DPF3: variants seen among roughly 807,000 people sequenced by gnomAD.
DPF3 encodes the protein zinc finger protein DPF3.
Under a neutral mutation model 56.8 loss-of-function variants are expected in DPF3, and 18 were observed. That is an observed-to-expected ratio of 0.32 (90% confidence interval 0.22 to 0.47). DPF3 has a LOEUF of 0.47. DPF3 is among the 20% of genes least tolerant of loss of function. The probability of loss-of-function intolerance (pLI) is 1.00; values close to 1 mark genes in which losing one functional copy is unlikely to be tolerated. For synonymous variants in DPF3, 188 were observed against 180.2 expected, an observed-to-expected ratio of 1.04 and a Z score of -0.35; for missense variants, 403 against 488.8, an observed-to-expected ratio of 0.82 and a Z score of 1.65.
chr14:72,768,209 A>G (rs768313491), intron 2 of DPF3, among the ~76,000 whole-genome samples: 5 of 152,222 alleles, frequency 3.3e-5, no homozygotes, highest in Admixed American at 6.5e-5. Flanking sequence ...TCAGTAAGTA[A>G]GAAAAACAAC....
At chr14:72,857,811 T>C (rs895784526) in intron 1 of DPF3, among the ~76,000 whole-genome samples, 6 of 152,038 alleles carry the variant, frequency 3.9e-5, no homozygotes, top group Non-Finnish European at 5.9e-5. Context: ...ATGGTCTCAA[T>C]CTCTTGACCC....
At chr14:72,745,335 A>G (rs1890283599) in intron 3 of DPF3, among the ~76,000 whole-genome samples, 1 of 151,864 alleles carries the variant, frequency 6.6e-6, no homozygotes. Context: ...TTTTTTACTC[A>G]TTCTTTTAAA....
At chr14:72,670,184 G>A in intron 8 of DPF3, 1 of 985,982 alleles carries the variant, frequency 1.0e-6, no homozygotes, top group Non-Finnish European at 1.2e-6. Context: ...AAGGGGAGGG[G>A]AAACACACGA....
At chr14:72,851,020 G>A (rs1884963805) in intron 1 of DPF3, among the ~76,000 whole-genome samples, 1 of 152,178 alleles carries the variant, frequency 6.6e-6, no homozygotes, top group African/African-American at 2.4e-5. Flanking sequence ...AAGATTCAGG[G>A]TTGCCAGATC....
intron 8 of DPF3, among the ~76,000 whole-genome samples, chr14:72,644,681 C>T (rs1885663373): frequency 6.6e-6 from 1 of 152,194 alleles, no homozygotes; most frequent in African/African-American, 2.4e-5. Flanking sequence ...TTTCCTGGTA[C>T]TTTGTAAGGG....
intron 8 of DPF3, among the ~76,000 whole-genome samples, chr14:72,672,945 G>A (rs755266621): frequency 3.9e-5 from 6 of 151,900 alleles, no homozygotes; most frequent in African/African-American, 9.7e-5. Context: ...AACAGAGTCC[G>A]CTATCACAAG....
intron 2 of DPF3, among the ~76,000 whole-genome samples, chr14:72,760,570 T>C (rs528404716): frequency 6.6e-6 from 1 of 152,342 alleles, no homozygotes; most frequent in East Asian, 1.9e-4. Flanking sequence ...CCTTATTCTA[T>C]TAATCACAGT....
chr14:72,746,424 T>C lies in DPF3; in HGVS notation c.301+6840A>G, dbSNP rs1033287543. ...CAGGTGCAGCCCCGGCTGTTCAGACTCAGAAGAGGATTGGGAAATGACAAG... is the reference window on the plus strand; with the variant it reads ...CAGGTGCAGCCCCGGCTGTTCAGACCCAGAAGAGGATTGGGAAATGACAAG... On this transcript the variant is annotated intron_variant, in intron 3 of 10. Transcript: ENST00000556509. 2.6e-5 allele frequency among the ~76,000 whole-genome samples: 4 copies of C among 151,964 alleles called. No individual in the cohort carries two copies. In the East Asian group the frequency reaches 5.8e-4, roughly 22 times the overall value.
At chr14:72,846,157 C>A (rs1884745625) in intron 1 of DPF3, among the ~76,000 whole-genome samples, 1 of 148,300 alleles carries the variant, frequency 6.7e-6, no homozygotes. Context: ...GTCACCCAGG[C>A]CGGAATACAA....
chr14:72,824,867 C>T (rs901121169), intron 1 of DPF3, among the ~76,000 whole-genome samples: 1 of 151,858 alleles, frequency 6.6e-6, no homozygotes, highest in Non-Finnish European at 1.5e-5. Flanking sequence ...CTACCACGAC[C>T]AGCCTACGCT....
chr14:72,788,050 C>T (rs1318280002), intron 1 of DPF3, among the ~76,000 whole-genome samples: 2 of 152,210 alleles, frequency 1.3e-5, no homozygotes, highest in Non-Finnish European at 2.9e-5. Flanking sequence ...TGCCTAACTG[C>T]CTGGCCATGC....
At chr14:72,643,397 T>C (rs1346472308) in intron 8 of DPF3, among the ~76,000 whole-genome samples, 2 of 152,200 alleles carry the variant, frequency 1.3e-5, no homozygotes, top group Non-Finnish European at 2.9e-5. Flanking sequence ...CTTGCTTACA[T>C]GAGGCAGAGG....
chr14:72,680,569 G>A (rs1478516339), intron 7 of DPF3, among the ~76,000 whole-genome samples: 3 of 152,268 alleles, frequency 2.0e-5, no homozygotes, highest in Non-Finnish European at 4.4e-5. Flanking sequence ...TGAATATATG[G>A]GAAAGTAAAG....
intron 7 of DPF3, among the ~76,000 whole-genome samples, chr14:72,676,400 A>C (rs1374984038): frequency 6.6e-6 from 1 of 152,208 alleles, no homozygotes; most frequent in Non-Finnish European, 1.5e-5. Context: ...AAGATCTTTA[A>C]GCAACTAAAG....
intron 9 of DPF3, among the ~76,000 whole-genome samples, chr14:72,620,520 A>G (rs1884366397): frequency 6.6e-6 from 1 of 152,074 alleles, no homozygotes. Flanking sequence ...AAGCTTCCTC[A>G]CTGTCTGGAG....
chr14:72,643,902 C>T (rs11623946), intron 8 of DPF3, among the ~76,000 whole-genome samples: 1 of 152,170 alleles, frequency 6.6e-6, no homozygotes, highest in African/African-American at 2.4e-5. Flanking sequence ...ATACTACAAT[C>T]GAGACACCCA....
At chr14:72,829,824 A>G (rs547545505) in intron 1 of DPF3, among the ~76,000 whole-genome samples, 1 of 146,554 alleles carries the variant, frequency 6.8e-6, no homozygotes, top group Non-Finnish European at 1.5e-5. Context: ...GCTCATTGCA[A>G]CCTCACCTCC....
chr14:72,723,115 C>T (rs574045756), intron 5 of DPF3, among the ~76,000 whole-genome samples: 3 of 152,036 alleles, frequency 2.0e-5, no homozygotes, highest in African/African-American at 7.2e-5. Flanking sequence ...ATACATGTGC[C>T]ATGTTGGTGT....
intron 8 of DPF3, chr14:72,660,974 G>C: frequency 1.3e-6 from 1 of 784,332 alleles, no homozygotes; most frequent in African/African-American, 1.9e-5. Context: ...AGTCCCTGCC[G>C]CATGACGGCG....
Sources: allele counts gnomAD v4.1 joint callset (sites outside exome capture counted in the v4.1 genomes callset), GRCh38; gene constraint gnomAD v4.1.1; transcripts MANE v1.5; gene names NCBI Gene and HGNC (gene_info 2026-07-23, HGNC 2026-07-21).